AMOTL1: variants seen among roughly 807,000 people sequenced by gnomAD.
AMOTL1 encodes the protein angiomotin like 1, also known as angiomotin-like protein 1.
In AMOTL1, 45 loss-of-function variants were observed where a neutral mutation model predicts 102.9. The observed-to-expected ratio is 0.44, with a 90% confidence interval of 0.34 to 0.56. The LOEUF (loss-of-function observed/expected upper bound fraction) is 0.56, where lower values mean the gene tolerates loss of function less well. Among genes scored for constraint, AMOTL1 ranks in the 20% least tolerant of loss-of-function variants. The pLI is 0.01. For synonymous variants in AMOTL1, 481 were observed against 484.7 expected, an observed-to-expected ratio of 0.99 and a Z score of 0.10; for missense variants, 1,114 against 1,225.6, an observed-to-expected ratio of 0.91 and a Z score of 1.36.
chr11:94,867,491 G>T (rs1269440074), intron 11 of AMOTL1, among the ~76,000 whole-genome samples: 2 of 152,204 alleles, frequency 1.3e-5, no homozygotes, highest in East Asian at 3.9e-4. Flanking sequence ...CCAGGACCTG[G>T]CATGTCTAAA....
intron 1 of AMOTL1, among the ~76,000 whole-genome samples, chr11:94,718,883 T>C (rs1950134165): frequency 6.6e-6 from 1 of 151,978 alleles, no homozygotes; most frequent in Non-Finnish European, 1.5e-5. Flanking sequence ...AAAATTTAAA[T>C]TTGATGTAGC....
chr11:94,774,598 G>T (rs913746895), intron 1 of AMOTL1, among the ~76,000 whole-genome samples: 7 of 152,198 alleles, frequency 4.6e-5, no homozygotes, highest in Admixed American at 2.6e-4. Context: ...ATGTGATTGA[G>T]CATCAGAATA....
At chr11:94,854,532 A>T (rs1952620392) in intron 8 of AMOTL1, among the ~76,000 whole-genome samples, 1 of 152,140 alleles carries the variant, frequency 6.6e-6, no homozygotes, top group Non-Finnish European at 1.5e-5. Flanking sequence ...GACTAAGGCC[A>T]CTTGTGGAGG....
intron 9 of AMOTL1, among the ~76,000 whole-genome samples, chr11:94,860,941 A>G (rs1255814860): frequency 6.6e-6 from 1 of 152,192 alleles, no homozygotes; most frequent in African/African-American, 2.4e-5. Context: ...GTAGGGGAGA[A>G]TCCCCAGTGG....
At position 94,842,392 on chromosome 11, in the gene AMOTL1, C is replaced by T. The variant is rs1019100360; in HGVS notation, c.1649-7722C>T. Among the ~76,000 whole-genome samples the T allele has an allele frequency of 7.9e-5, 12 of 152,232 alleles. 1 individual carries two copies. The highest frequency in any genetic ancestry group is 2.6e-4 in the African/African-American group (11 of 41,538). On this transcript the variant is annotated intron_variant, in intron 6 of 12. Transcript: ENST00000433060. ...GTGGCAAGGACCTGTTAGAGAACCA[C>T]ACTCAAAAGAACCCCCACCTCAAAA...
At chr11:94,806,774 G>C (rs1450699714) in intron 3 of AMOTL1, among the ~76,000 whole-genome samples, 1 of 152,168 alleles carries the variant, frequency 6.6e-6, no homozygotes. Context: ...CTGTAAACAG[G>C]AGGGTTATCT....
intron 1 of AMOTL1, chr11:94,706,650 G>C (rs187288247): frequency 2.0e-5 from 3 of 152,294 alleles, no homozygotes; most frequent in African/African-American, 7.2e-5. Flanking sequence ...TAACACGAGG[G>C]GGGGATTTTG....
intron 3 of AMOTL1, among the ~76,000 whole-genome samples, chr11:94,810,754 C>G (rs1029302331): frequency 6.7e-6 from 1 of 148,224 alleles, no homozygotes; most frequent in Non-Finnish European, 1.5e-5. Context: ...ATGGAGAAAA[C>G]AGAATTCAGT....
At chr11:94,763,257 G>C (rs942764133) in intron 3 of AMOTL1, among the ~76,000 whole-genome samples, 7 of 151,964 alleles carry the variant, frequency 4.6e-5, no homozygotes, top group Non-Finnish European at 8.8e-5. Context: ...CCTGACAAAG[G>C]CTCATCCCCT....
At chr11:94,741,041 C>G (rs1950517157) in intron 3 of AMOTL1, 1 of 1,266,340 alleles carries the variant, frequency 7.9e-7, no homozygotes. Context: ...TGCCCGAGAA[C>G]TGCGAGTTTG....
intron 3 of AMOTL1, among the ~76,000 whole-genome samples, chr11:94,805,910 CA>C (rs1236762052): frequency 6.6e-6 from 1 of 152,194 alleles, no homozygotes; most frequent in African/African-American, 2.4e-5. Flanking sequence ...CCAGGACAGC[CA>C]TCACCACCAC....
In AMOTL1 at chr11:94,870,882, G is replaced by A. The variant is rs905977915; in HGVS notation, c.*87G>A. The A allele has an allele frequency of 4.6e-6, 5 of 1,076,910 alleles. No individual in the cohort carries two copies. The highest frequency in any genetic ancestry group is 6.6e-6 in the Non-Finnish European group (5 of 759,458). The allele number at this position is 1,076,910 out of a possible 1,614,324, so 66.7% of individuals were successfully genotyped here. A position where few individuals can be genotyped will look rare whatever the true frequency, so the allele number is the denominator to read the frequency against. On this transcript the variant is annotated 3_prime_UTR_variant, in exon 13 of 13. Transcript: ENST00000433060. ...AAGAAAGACCTAGAAGGTTGTAGAT[G>A]GGAAATCAGGAATGATTTGAACTGA...
At chr11:94,725,545 C>T (rs917525967) in intron 1 of AMOTL1, among the ~76,000 whole-genome samples, 25 of 152,190 alleles carry the variant, frequency 1.6e-4, no homozygotes, top group African/African-American at 5.8e-4. Flanking sequence ...CTCTCAAGTG[C>T]ATAACTATGA....
chr11:94,753,317 T>C (rs1384934337), intron 3 of AMOTL1, among the ~76,000 whole-genome samples: 1 of 151,636 alleles, frequency 6.6e-6, no homozygotes, highest in Non-Finnish European at 1.5e-5. Context: ...TTTTTTTTTT[T>C]TTTTTTTTCC....
intron 2 of AMOTL1, among the ~76,000 whole-genome samples, chr11:94,733,227 A>G (rs1257454080): frequency 6.6e-6 from 1 of 152,216 alleles, no homozygotes; most frequent in Admixed American, 6.5e-5. Context: ...ATTACTCTGC[A>G]TCTCCACCTT....
chr11:94,826,635 C>T (rs1000314161), intron 4 of AMOTL1, among the ~76,000 whole-genome samples: 1 of 152,172 alleles, frequency 6.6e-6, no homozygotes, highest in African/African-American at 2.4e-5. Flanking sequence ...TCTATTCCTG[C>T]AAAATCCAGT....
Position 94,768,408 on chromosome 11 carries a change from GGTGAAGCCCT to G in AMOTL1, c.-100_-91del, listed in dbSNP as rs1412261306. The G allele has an allele frequency of 1.8e-5, 28 of 1,529,042 alleles. No homozygotes were observed. The East Asian group carries it at 6.9e-4, about 38-fold the overall frequency. 94.7% of individuals were successfully genotyped at this position (1,529,042 alleles called of 1,614,324 possible). A position where few individuals can be genotyped will look rare whatever the true frequency, so the allele number is the denominator to read the frequency against. On this transcript the variant is annotated 5_prime_UTR_variant, in exon 1 of 13. Transcript: ENST00000433060. The stretch of plus-strand genomic sequence containing the variant: ...AGCGGTTGTCGGGTTTGGGGCTGGA[GGTGAAGCCCT>G]GTGTGAATGGGGTTGATTGTCCGGC...
intron 10 of AMOTL1, 109 bp from the exon 11 acceptor site, chr11:94,865,833 C>A: frequency 2.2e-6 from 2 of 918,896 alleles, no homozygotes; most frequent in Non-Finnish European, 3.4e-6. Context: ...TGTGCTTCAT[C>A]CTGTATCCCT....
chr11:94,787,545 G>A (rs1023966910), intron 1 of AMOTL1, among the ~76,000 whole-genome samples: 65 of 151,340 alleles, frequency 4.3e-4, no homozygotes, highest in African/African-American at 1.3e-3. Context: ...AAAATTAGCC[G>A]GGCATGGTGG....
Sources: gnomAD v4.1 joint callset for allele counts (sites outside exome capture counted in the v4.1 genomes callset) on GRCh38, gnomAD v4.1.1 for gene constraint, MANE v1.5 for transcripts, NCBI Gene and HGNC (gene_info 2026-07-23, HGNC 2026-07-21) for gene names.